The following MGAT5 variants were observed in gnomAD, a reference collection of about 807,000 sequenced individuals.
The protein encoded by MGAT5 is alpha-1,6-mannosylglycoprotein 6-beta-N-acetylglucosaminyltransferase.
A neutral mutation model predicts 94.3 loss-of-function variants in MGAT5; 30 were observed. The ratio of observed to expected loss-of-function variants is 0.32; its 90% confidence interval spans 0.24 to 0.43. MGAT5 has a LOEUF of 0.43. Among genes scored for constraint, MGAT5 ranks in the 20% least tolerant of loss-of-function variants. The pLI is 1.00. For missense variants in MGAT5, 691 were observed against 905.5 expected, an observed-to-expected ratio of 0.76 and a Z score of 3.04; for synonymous variants, 310 against 322.9, an observed-to-expected ratio of 0.96 and a Z score of 0.43.
At chr2:134,417,342 T>C (rs1684037517) in intron 12 of MGAT5, among the ~76,000 whole-genome samples, 2 of 152,162 alleles carry the variant, frequency 1.3e-5, no homozygotes, top group Admixed American at 1.3e-4. Context: ...CTACAGACTT[T>C]ATTTGGACTT....
At chr2:134,138,455 T>C (rs1686518489) in intron 1 of MGAT5, among the ~76,000 whole-genome samples, 1 of 152,226 alleles carries the variant, frequency 6.6e-6, no homozygotes, top group Non-Finnish European at 1.5e-5. Context: ...ACAGAATTAA[T>C]TGTGCAGCTG....
chr2:134,431,756 C>T (rs1190695797), intron 14 of MGAT5, among the ~76,000 whole-genome samples: 1 of 151,918 alleles, frequency 6.6e-6, no homozygotes, highest in African/African-American at 2.4e-5. Context: ...CAGGGTTGTC[C>T]GTCATGCTCA....
At chr2:134,417,336 A>C (rs780919202) in intron 12 of MGAT5, among the ~76,000 whole-genome samples, 5 of 152,230 alleles carry the variant, frequency 3.3e-5, no homozygotes, top group Middle Eastern at 6.8e-3. Flanking sequence ...TCTAAACTAC[A>C]GACTTTATTT....
At position 134,218,585 on chromosome 2, in the gene MGAT5, G is replaced by C. The variant is rs114339051; in HGVS notation, c.-142-35677G>C. ...GGGGCTCCCTTCCACATGGTCTGCC[G>C]TCCTGTGGCAGGCTAGCCCAGGCCA... On this transcript the variant is annotated intron_variant, in intron 1 of 16. Coordinates refer to the MGAT5 transcript ENST00000409645. Among the ~76,000 whole-genome samples the C allele has an allele frequency of 2.9e-3, 446 of 152,226 alleles. 1 individual carries two copies. Among genetic ancestry groups the C allele is most frequent in the African/African-American group, 9.7e-3 (403 of 41,550 alleles).
intron 1 of MGAT5, among the ~76,000 whole-genome samples, chr2:134,243,219 C>A (rs1465650448): frequency 6.6e-6 from 1 of 152,014 alleles, no homozygotes; most frequent in Non-Finnish European, 1.5e-5. Context: ...ACACCTGAGA[C>A]AAAGTAAATC....
At chr2:134,332,168 C>G (rs1199293825) in intron 4 of MGAT5, among the ~76,000 whole-genome samples, 1 of 151,874 alleles carries the variant, frequency 6.6e-6, no homozygotes, top group Non-Finnish European at 1.5e-5. Flanking sequence ...GGAGGCATCA[C>G]GCTACCTGAC....
chr2:134,428,091 T>C (rs1310148956), intron 13 of MGAT5, among the ~76,000 whole-genome samples: 1 of 152,246 alleles, frequency 6.6e-6, no homozygotes, highest in Non-Finnish European at 1.5e-5. Context: ...GCACCTTTTT[T>C]CTCCCAGATA....
intron 2 of MGAT5, among the ~76,000 whole-genome samples, chr2:134,289,387 C>A (rs141939144): frequency 6.6e-6 from 1 of 152,074 alleles, no homozygotes; most frequent in Admixed American, 6.6e-5. Flanking sequence ...GGTAGTGGCC[C>A]GGGCACAAAG....
intron 1 of MGAT5, among the ~76,000 whole-genome samples, chr2:134,137,194 TA>T (rs752057448): frequency 1.3e-5 from 2 of 152,178 alleles, no homozygotes; most frequent in Non-Finnish European, 2.9e-5. Context: ...CTCTAAGAAA[TA>T]GGTCTCTGCC....
chr2:134,419,442 T>TGTGTGTGTGTGTG (rs778375692), intron 12 of MGAT5, among the ~76,000 whole-genome samples: 5 of 134,222 alleles, frequency 3.7e-5, no homozygotes, highest in Non-Finnish European at 3.2e-5. Context: ...GCTTCAGGGT[T>TGTGTGTGTGTGTG]TGTGTGTGTG....
At position 134,338,331 on chromosome 2, in the gene MGAT5, C is replaced by T. The variant is rs1464509096; in HGVS notation, c.718C>T (p.Leu240=). The T allele has an allele frequency of 1.2e-6, 2 of 1,613,172 alleles. No individual in the cohort carries two copies. The highest frequency in any genetic ancestry group is 2.2e-5 in the East Asian group (1 of 44,804). ...KKHEEFRWMR[L]RIRRMADAWI... ...GCATGAAGAATTCCGGTGGATGAGACTACGGATCCGGCGAATGGCTGACGC... is the reference window on the plus strand; with the variant it reads ...GCATGAAGAATTCCGGTGGATGAGATTACGGATCCGGCGAATGGCTGACGC... The change falls in exon 6 of 16, where the codon CTA becomes TTA. Residue 240 remains leucine (L), a synonymous_variant. Coordinates refer to ENST00000281923, the MANE Select transcript of MGAT5 (RefSeq NM_002410.5).
chr2:134,130,640 G>A (rs1162143850), intron 1 of MGAT5, among the ~76,000 whole-genome samples: 1 of 151,860 alleles, frequency 6.6e-6, no homozygotes, highest in Non-Finnish European at 1.5e-5. Context: ...CTAGAGGGTT[G>A]TAAATGCACC....
At chr2:134,360,004 G>A (rs950396518) in intron 9 of MGAT5, among the ~76,000 whole-genome samples, 1 of 152,148 alleles carries the variant, frequency 6.6e-6, no homozygotes, top group Admixed American at 6.5e-5. Context: ...CCTGGGAGGC[G>A]AAGGCATGTA....
intron 1 of MGAT5, among the ~76,000 whole-genome samples, chr2:134,187,021 TC>T (rs1459153847): frequency 1.3e-5 from 2 of 152,068 alleles, no homozygotes; most frequent in East Asian, 1.9e-4. Flanking sequence ...TGAAGAAAGT[TC>T]CGTGAGGAAG....
At chr2:134,315,685 C>A (rs1686958957) in intron 2 of MGAT5, among the ~76,000 whole-genome samples, 1 of 152,216 alleles carries the variant, frequency 6.6e-6, no homozygotes, top group South Asian at 2.1e-4. Flanking sequence ...GCCTGCCAGG[C>A]CAGCCTCTTG....
intron 4 of MGAT5, among the ~76,000 whole-genome samples, chr2:134,333,050 A>G (rs993134885): frequency 1.7e-4 from 26 of 152,196 alleles, no homozygotes; most frequent in Admixed American, 1.7e-3. Context: ...ATCTAGAACT[A>G]GAAATACCAT....
rs1260470162 is a variant in MGAT5, at chr2:134,268,137, G to C, written c.242-2249G>C. On this transcript the variant is annotated intron_variant, in intron 1 of 15. Transcript: ENST00000281923. The surrounding 1 kb of genome is among the most constrained non-coding windows in gnomAD (Gnocchi z 4.1). ...ATGCAAGGACAGTCACCACGACAAA[G>C]AATTACCCGGCCCAAAGTGTCAGTA... Among the ~76,000 whole-genome samples the C allele has an allele frequency of 6.6e-6, 1 of 152,214 alleles. No individual in the cohort carries two copies. The highest frequency in any genetic ancestry group is 1.9e-4 in the East Asian group (1 of 5,200).
At chr2:134,155,094 GGTTAGGACGCGCAA>G (rs1414821336) in intron 1 of MGAT5, among the ~76,000 whole-genome samples, 1 of 152,186 alleles carries the variant, frequency 6.6e-6, no homozygotes, top group African/African-American at 2.4e-5. Context: ...GGATGGGGTG[GGTTAGGACGCGCAA>G]ACTTTGTTCA....
intron 6 of MGAT5, among the ~76,000 whole-genome samples, chr2:134,339,467 ATAAAC>A (rs1401452650): frequency 2.0e-5 from 3 of 152,180 alleles, no homozygotes; most frequent in Non-Finnish European, 4.4e-5. Context: ...TCTTATTTTG[ATAAAC>A]TAAAATTAAA....
Sources: gnomAD v4.1 joint callset for allele counts (sites outside exome capture counted in the v4.1 genomes callset) on GRCh38, gnomAD v4.1.1 for gene constraint, Gnocchi (gnomAD v3.1) non-coding constraint, MANE v1.5 for transcripts, NCBI Gene and HGNC (gene_info 2026-07-23, HGNC 2026-07-21) for gene names.